Variants in AP1AR observed in about 807,000 individuals in gnomAD.
AP1AR encodes the protein AP-1 complex-associated regulatory protein.
AP1AR carries 29 observed loss-of-function variants against 46.3 expected under a neutral mutation model. That is an observed-to-expected ratio of 0.63 (90% CI 0.47 to 0.85). AP1AR has a LOEUF of 0.85. AP1AR is among the 40% of genes least tolerant of loss of function. AP1AR has a pLI of 0.00. For missense variants in AP1AR, 357 were observed against 356.3 expected (o/e 1.00, Z -0.02); for synonymous variants, 122 against 122.9 (o/e 0.99, Z 0.05).
At chr4:112,265,374 T>G (rs1726657298) in intron 7 of AP1AR, 5 of 351,276 alleles carry the variant, frequency 1.4e-5, no homozygotes, top group Middle Eastern at 1.6e-3. Flanking sequence ...CCTTAGTCCC[T>G]CTCTTTCTTA....
chr4:112,253,003 G>T (rs1189870167), intron 1 of AP1AR, among the ~76,000 whole-genome samples: 1 of 152,078 alleles, frequency 6.6e-6, no homozygotes, highest in African/African-American at 2.4e-5. Flanking sequence ...AAGAAATATT[G>T]ATTGACTAAA....
intron 1 of AP1AR, among the ~76,000 whole-genome samples, chr4:112,241,385 G>A (rs1725491288): frequency 2.0e-5 from 3 of 152,166 alleles, no homozygotes; most frequent in Admixed American, 2.0e-4. Context: ...TGGAGATTAA[G>A]TCCCACAATC....
At position 112,270,107 on chromosome 4, in the gene AP1AR, A is replaced by C. The variant is rs1184680668; in HGVS notation, c.*1698A>C. On this transcript the variant is annotated 3_prime_UTR_variant, in exon 10 of 10. Coordinates refer to ENST00000274000, the MANE Select transcript of AP1AR (RefSeq NM_018569.6). ...ACTCCATAAACATGCAGGTATTCTGATTCCTGACTTGTAATTATTTTATTA... is the reference window on the plus strand; with the variant it reads ...ACTCCATAAACATGCAGGTATTCTGCTTCCTGACTTGTAATTATTTTATTA... 6.6e-6 allele frequency: 1 copy of C among 152,598 alleles called. No individual in the cohort carries two copies. The highest frequency in any genetic ancestry group is 1.5e-5 in the Non-Finnish European group (1 of 68,004). 9.5% of individuals were successfully genotyped at this position (152,598 alleles called of 1,614,324 possible).
Position 112,264,999 on chromosome 4 carries a change from G to T in AP1AR, c.382-10G>T. The stretch of plus-strand genomic sequence containing the variant: ...AGAGTGATTTTTTTTATTACATTAT[G>T]TTTCCAAAGCAAGAAAGGCAGAGAA... On this transcript the variant is annotated splice_polypyrimidine_tract_variant and intron_variant, in intron 6 of 9. Coordinates refer to ENST00000274000, the MANE Select transcript of AP1AR (RefSeq NM_018569.6). The T allele has an allele frequency of 6.3e-7, 1 of 1,588,488 alleles. No individual in the cohort carries two copies.
At chr4:112,240,659 C>G (rs1389583246) in intron 1 of AP1AR, among the ~76,000 whole-genome samples, 4 of 152,144 alleles carry the variant, frequency 2.6e-5, no homozygotes, top group Non-Finnish European at 4.4e-5. Context: ...TGAAACATCT[C>G]TTTTATCTGC....
intron 6 of AP1AR, 91 bp from the exon 7 acceptor site, chr4:112,264,918 G>T: frequency 3.1e-6 from 3 of 963,046 alleles, no homozygotes; most frequent in African/African-American, 1.7e-5. Context: ...TTAGAAACTA[G>T]AAAAAAATAC....
rs1726908777 is a variant in AP1AR, at chr4:112,270,555, GTTAA to G, written c.*2149_*2152del. On this transcript the variant is annotated 3_prime_UTR_variant, in exon 10 of 10. Coordinates refer to ENST00000274000, the MANE Select transcript of AP1AR (RefSeq NM_018569.6). ...TGTTTTAAGTTTTAGTTGTTAACTT[GTTAA>G]TTGTTTACTTGGCTAAAACCTAATT... is the stretch of plus-strand genomic sequence containing the variant. Among the ~76,000 whole-genome samples, 1 of 152,188 alleles carries G rather than the reference GTTAA, an allele frequency of 6.6e-6. No homozygotes were observed. The highest frequency in any genetic ancestry group is 2.4e-5 in the African/African-American group (1 of 41,436).
Position 112,272,456 on chromosome 4 carries a change from G to C in AP1AR, c.*4047G>C, listed in dbSNP as rs533296620. Reference sequence around the variant, plus strand: ...ATGACCTTCCCATGGGGCTTGGCCGGGAGTGCTAGCCCAGTAAGGGAAAAT... The same window carrying C: ...ATGACCTTCCCATGGGGCTTGGCCGCGAGTGCTAGCCCAGTAAGGGAAAAT... On this transcript the variant is annotated 3_prime_UTR_variant, in exon 10 of 10. Coordinates refer to ENST00000274000, the MANE Select transcript of AP1AR (RefSeq NM_018569.6). 7.9e-5 allele frequency among the ~76,000 whole-genome samples: 12 copies of C among 152,278 alleles called. No individual in the cohort carries two copies. Among genetic ancestry groups the C allele is most frequent in the South Asian group, 2.1e-4 (1 of 4,822 alleles).
intron 1 of AP1AR, among the ~76,000 whole-genome samples, chr4:112,238,278 C>G (rs1241383462): frequency 1.3e-5 from 2 of 152,212 alleles, no homozygotes; most frequent in Non-Finnish European, 2.9e-5. Flanking sequence ...ATCTACAAAA[C>G]TACAATTTCT....
chr4:112,253,154 A>G, intron 1 of AP1AR, 54 bp from the exon 2 acceptor site: 1 of 1,382,108 alleles, frequency 7.2e-7, no homozygotes, highest in Admixed American at 1.9e-5. Flanking sequence ...CTATATATTA[A>G]TTCAATCTTA....
chr4:112,265,693 T>C lies in AP1AR; in HGVS notation c.441-41T>C, dbSNP rs138136155. On this transcript the variant is annotated intron_variant, in intron 7 of 9. Coordinates refer to ENST00000274000, the MANE Select transcript of AP1AR (RefSeq NM_018569.6). ...GCTTATATATTTGTCATATTGCAGC[T>C]ACCATGAATATATTAAAAAATTATT... 9.3e-3 allele frequency: 13,519 copies of C among 1,459,684 alleles called. 106 individuals carry two copies. The highest frequency in any genetic ancestry group is 0.011 in the Non-Finnish European group (11,490 of 1,053,376). 90.4% of individuals were successfully genotyped at this position (1,459,684 alleles called of 1,614,324 possible).
At position 112,260,809 on chromosome 4, in the gene AP1AR, T is replaced by C. The variant is rs1212855190; in HGVS notation, c.229T>C (p.Tyr77His). 1.2e-6 allele frequency: 2 copies of C among 1,607,414 alleles called. No individual in the cohort carries two copies. Among genetic ancestry groups the C allele is most frequent in the Admixed American group, 1.7e-5 (1 of 59,172 alleles). ...AATTGTTGACCTAAGAGAAAGGCAT[T>C]ATGATTCCATTGCCGAAAAACAAAA... Reference protein sequence around the residue: ...EEIVDLRERHYDSIAEKQKDL... With the variant: ...EEIVDLRERHHDSIAEKQKDL... Residue 77 changes from tyrosine to histidine, a missense_variant, in exon 5 of 10, where the codon TAT (tyrosine) becomes CAT (histidine). This residue lies in a region of AP1AR where 269 missense variants were observed against 223.6 expected (regional missense o/e 1.20). Transcript: ENST00000274000.
Position 112,264,994 on chromosome 4 carries a change from A to G in AP1AR, c.382-15A>G. The G allele has an allele frequency of 6.3e-7, 1 of 1,586,614 alleles. No homozygotes were observed. Among genetic ancestry groups the G allele is most frequent in the Non-Finnish European group, 8.6e-7 (1 of 1,167,798 alleles). On this transcript the variant is annotated splice_polypyrimidine_tract_variant and intron_variant, in intron 6 of 9. Transcript: ENST00000274000. ...ACAACAGAGTGATTTTTTTTATTAC[A>G]TTATGTTTCCAAAGCAAGAAAGGCA...
chr4:112,258,359 T>C (rs1237982739), intron 4 of AP1AR, among the ~76,000 whole-genome samples: 1 of 152,226 alleles, frequency 6.6e-6, no homozygotes, highest in Admixed American at 6.5e-5. Context: ...TAAGCAACTG[T>C]CGTGTGCCAA....
chr4:112,248,969 C>T (rs1030267906), intron 1 of AP1AR, among the ~76,000 whole-genome samples: 1 of 152,116 alleles, frequency 6.6e-6, no homozygotes, highest in East Asian at 1.9e-4. Context: ...TTGCTTTAAC[C>T]GAGAAGTCTG....
intron 1 of AP1AR, among the ~76,000 whole-genome samples, chr4:112,236,165 G>T (rs1725231912): frequency 6.6e-6 from 1 of 151,580 alleles, no homozygotes; most frequent in Non-Finnish European, 1.5e-5. Flanking sequence ...ATTATTTTCA[G>T]TCTCTCCTTA....
At chr4:112,266,482 A>C in intron 8 of AP1AR, 106 bp from the exon 9 acceptor site, 1 of 1,085,472 alleles carries the variant, frequency 9.2e-7, no homozygotes, top group Admixed American at 3.0e-5. Context: ...TGAAGCTAAA[A>C]GTAATAATAA....
intron 1 of AP1AR, among the ~76,000 whole-genome samples, chr4:112,239,100 C>G (rs935222338): frequency 3.3e-5 from 5 of 152,168 alleles, no homozygotes; most frequent in African/African-American, 1.2e-4. Flanking sequence ...TGCCTTAAAA[C>G]AGACCCTTCT....
intron 1 of AP1AR, among the ~76,000 whole-genome samples, chr4:112,252,891 TGTA>T (rs1726020025): frequency 6.6e-6 from 1 of 152,202 alleles, no homozygotes; most frequent in Non-Finnish European, 1.5e-5. Context: ...CTTTTCTTGA[TGTA>T]GTAAAAATAA....
Sources: gnomAD v4.1 joint callset for allele counts (sites outside exome capture counted in the v4.1 genomes callset) on GRCh38, gnomAD v4.1.1 for gene constraint, gnomAD v4.1.1 regional missense constraint, MANE v1.5 for transcripts, NCBI Gene and HGNC (gene_info 2026-07-23, HGNC 2026-07-21) for gene names.